PTPRM: variants seen among roughly 807,000 people sequenced by gnomAD.
The protein encoded by PTPRM is protein tyrosine phosphatase receptor type M.
In PTPRM, 47 loss-of-function variants were observed where a neutral mutation model predicts 186.7. That is an observed-to-expected ratio of 0.25 (90% CI 0.20 to 0.32). The LOEUF (loss-of-function observed/expected upper bound fraction) is 0.32, where lower values mean the gene tolerates loss of function less well. PTPRM is among the 10% of genes least tolerant of loss of function. The pLI is 1.00. For missense variants in PTPRM, 1,494 were observed against 1,865.0 expected (o/e 0.80, Z 3.66); for synonymous variants, 668 against 674.9 (o/e 0.99, Z 0.16).
chr18:8,066,063 G>T (rs893934282), intron 7 of PTPRM, among the ~76,000 whole-genome samples: 7 of 152,200 alleles, frequency 4.6e-5, no homozygotes, highest in East Asian at 1.9e-4. Flanking sequence ...GAAAACAAAG[G>T]TATTATAAAA....
intron 20 of PTPRM, among the ~76,000 whole-genome samples, chr18:8,311,432 C>A (rs559538417): frequency 6.6e-6 from 1 of 152,246 alleles, no homozygotes; most frequent in East Asian, 1.9e-4. Context: ...TGCTCACTTG[C>A]TGTGTATTAG....
intron 28 of PTPRM, 150 bp from the exon 29 acceptor site, chr18:8,380,146 A>G: frequency 1.3e-6 from 1 of 761,790 alleles, no homozygotes; most frequent in Non-Finnish European, 2.1e-6. Context: ...TATTTAGTCT[A>G]TGTTGGTGCT....
chr18:8,362,108 A>G (rs1248564564), intron 23 of PTPRM, among the ~76,000 whole-genome samples: 4 of 152,102 alleles, frequency 2.6e-5, no homozygotes, highest in African/African-American at 9.7e-5. Context: ...CTTCTCAAGC[A>G]GTGTGAAGGA....
chr18:7,778,821 A>G (rs997299127), intron 2 of PTPRM, among the ~76,000 whole-genome samples: 5 of 152,164 alleles, frequency 3.3e-5, no homozygotes, highest in African/African-American at 1.2e-4. Context: ...AAGGATTACT[A>G]TTTGAACACA....
At chr18:8,227,831 TA>T in intron 14 of PTPRM, among the ~76,000 whole-genome samples, 1 of 152,330 alleles carries the variant, frequency 6.6e-6, no homozygotes, top group South Asian at 2.1e-4. Context: ...TTCAGCAGCA[TA>T]AGCCAGCTGT....
chr18:8,022,557 C>G (rs1334822777), intron 7 of PTPRM, among the ~76,000 whole-genome samples: 1 of 152,158 alleles, frequency 6.6e-6, no homozygotes, highest in African/African-American at 2.4e-5. Context: ...ACACAGTCAC[C>G]TAGACAGAAA....
At chr18:8,259,936 C>A (rs1473544099) in intron 19 of PTPRM, among the ~76,000 whole-genome samples, 1 of 152,166 alleles carries the variant, frequency 6.6e-6, no homozygotes, top group Non-Finnish European at 1.5e-5. Context: ...GCCACCCTCT[C>A]TGGCCCCAGA....
At chr18:7,823,692 G>A (rs2045330353) in intron 2 of PTPRM, among the ~76,000 whole-genome samples, 2 of 152,184 alleles carry the variant, frequency 1.3e-5, no homozygotes, top group Admixed American at 6.5e-5. Context: ...CTCGAACATC[G>A]AACTCCAAGT....
chr18:7,935,659 AT>A (rs2051759873), intron 5 of PTPRM, among the ~76,000 whole-genome samples: 1 of 151,780 alleles, frequency 6.6e-6, no homozygotes, highest in South Asian at 2.1e-4. Context: ...TTTTATTTTT[AT>A]TTTTTTCTTT....
intron 2 of PTPRM, among the ~76,000 whole-genome samples, chr18:7,842,872 A>ATATG (rs1555616805): frequency 4.7e-5 from 5 of 107,016 alleles, no homozygotes; most frequent in African/African-American, 1.3e-4. Context: ...ATATATATAT[A>ATATG]TATGTTTCTC....
chr18:7,807,044 TGA>T (rs2044271934), intron 2 of PTPRM, among the ~76,000 whole-genome samples: 1 of 152,230 alleles, frequency 6.6e-6, no homozygotes, highest in African/African-American at 2.4e-5. Context: ...GTGCTTTTTT[TGA>T]GAGTCTTGCT....
chr18:7,821,420 CTTTTTTTACTCA>C (rs58498333), intron 2 of PTPRM, among the ~76,000 whole-genome samples: 8,411 of 151,962 alleles, frequency 0.055, 769 homozygotes, highest in African/African-American at 0.19. Context: ...TAAAGTAGCC[CTTTTTTTACTCA>C]TAAGACAAAT....
intron 19 of PTPRM, 29 bp from the exon 20 acceptor site, chr18:8,296,339 T>C: frequency 6.9e-7 from 1 of 1,456,442 alleles, no homozygotes; most frequent in Non-Finnish European, 9.6e-7. Flanking sequence ...TGCGCCAAAT[T>C]GTAATTCTCA....
intron 1 of PTPRM, among the ~76,000 whole-genome samples, chr18:7,599,792 C>A (rs2037353810): frequency 6.6e-6 from 1 of 152,150 alleles, no homozygotes; most frequent in Non-Finnish European, 1.5e-5. Flanking sequence ...TCTTGGCCTC[C>A]CTTCTTGTGG....
chr18:7,822,620 C>T (rs2045258756), intron 2 of PTPRM, among the ~76,000 whole-genome samples: 1 of 152,166 alleles, frequency 6.6e-6, no homozygotes, highest in South Asian at 2.1e-4. Flanking sequence ...TCTGCATTGT[C>T]ATTTTTTAAG....
At position 7,639,086 on chromosome 18, in the gene PTPRM, T is replaced by C. The variant is rs193111260; in HGVS notation, c.73+71195T>C. Among the ~76,000 whole-genome samples the C allele has an allele frequency of 8.0e-3, 1,223 of 152,292 alleles. 6 individuals carry two copies. The highest frequency in any genetic ancestry group is 0.012 in the Non-Finnish European group (840 of 68,010). ...TCCATTTTTCAGCATTTTCTCCAAT[T>C]TGATTGACTTGTACTAATTGCTCTG... On this transcript the variant is annotated intron_variant, in intron 1 of 32. Coordinates refer to ENST00000580170, the MANE Select transcript of PTPRM (RefSeq NM_001105244.2).
intron 22 of PTPRM, among the ~76,000 whole-genome samples, chr18:8,340,174 C>T (rs750823679): frequency 7.2e-5 from 11 of 152,160 alleles, no homozygotes; most frequent in South Asian, 2.1e-4. Context: ...CAGCGCCCCG[C>T]GCCTGCAGGA....
At chr18:7,589,899 A>G (rs765223310) in intron 1 of PTPRM, among the ~76,000 whole-genome samples, 1 of 152,348 alleles carries the variant, frequency 6.6e-6, no homozygotes, top group Admixed American at 6.5e-5. Flanking sequence ...TTGAGAGAAC[A>G]AGAAGCAGAT....
intron 13 of PTPRM, among the ~76,000 whole-genome samples, chr18:8,143,337 C>A (rs1428148136): frequency 6.6e-6 from 1 of 151,802 alleles, no homozygotes; most frequent in Non-Finnish European, 1.5e-5. Context: ...GCAGAAAGAG[C>A]AGGAGCCAAT....
Sources: gnomAD v4.1 joint callset for allele counts (sites outside exome capture counted in the v4.1 genomes callset) on GRCh38, gnomAD v4.1.1 for gene constraint, MANE v1.5 for transcripts, NCBI Gene and HGNC (gene_info 2026-07-23, HGNC 2026-07-21) for gene names.